Variants in HIVEP3 observed in about 807,000 individuals in gnomAD.
HIVEP3 encodes the protein transcription factor HIVEP3.
In HIVEP3, 49 loss-of-function variants were observed where a neutral mutation model predicts 152.8. The ratio of observed to expected loss-of-function variants is 0.32; its 90% CI spans 0.26 to 0.41. The LOEUF (loss-of-function observed/expected upper bound fraction) is 0.41, where lower values mean the gene tolerates loss of function less well. Ranked by LOEUF, HIVEP3 falls within the 10% of genes least tolerant of loss-of-function variation. The probability of loss-of-function intolerance (pLI) is 1.00; values close to 1 mark genes in which losing one functional copy is unlikely to be tolerated. For synonymous variants in HIVEP3, 1,269 were observed against 1,289.0 expected (o/e 0.98, Z 0.33); for missense variants, 2,790 against 3,103.3 (o/e 0.90, Z 2.40).
intron 1 of HIVEP3, among the ~76,000 whole-genome samples, chr1:41,934,724 A>C (rs1274511191): frequency 6.6e-6 from 1 of 152,112 alleles, no homozygotes; most frequent in Non-Finnish European, 1.5e-5. Context: ...TACGGGGAAA[A>C]TCCTATAGGA....
At chr1:41,714,862 T>G (rs913994125) in intron 1 of HIVEP3, among the ~76,000 whole-genome samples, 2 of 152,128 alleles carry the variant, frequency 1.3e-5, no homozygotes, top group East Asian at 3.9e-4. Context: ...GCAACCCAAT[T>G]TTAAGGGTGT....
intron 3 of HIVEP3, among the ~76,000 whole-genome samples, chr1:41,609,951 G>A (rs79295474): frequency 0.015 from 2,346 of 152,300 alleles, 67 homozygotes; most frequent in African/African-American, 0.053. Flanking sequence ...AAAGCAGACC[G>A]CTTTCCACAA....
At chr1:41,961,162 G>C (rs1237105259) in intron 1 of HIVEP3, among the ~76,000 whole-genome samples, 1 of 152,160 alleles carries the variant, frequency 6.6e-6, no homozygotes, top group South Asian at 2.1e-4. Context: ...CAAGCTGTGT[G>C]GAAGCTCAAA....
chr1:41,833,668 C>A (rs1193769931), intron 1 of HIVEP3, among the ~76,000 whole-genome samples: 1 of 152,102 alleles, frequency 6.6e-6, no homozygotes, highest in Non-Finnish European at 1.5e-5. Flanking sequence ...GGCTCCAGAG[C>A]CTCTCCTGAA....
At chr1:41,571,183 C>T (rs961241177) in intron 5 of HIVEP3, among the ~76,000 whole-genome samples, 2 of 152,196 alleles carry the variant, frequency 1.3e-5, no homozygotes, top group Non-Finnish European at 2.9e-5. Flanking sequence ...CAATAACACA[C>T]CACCCAACTG....
At chr1:41,649,284 C>A (rs1645509049) in intron 2 of HIVEP3, among the ~76,000 whole-genome samples, 3 of 152,216 alleles carry the variant, frequency 2.0e-5, no homozygotes, top group Non-Finnish European at 4.4e-5. Context: ...ACACTGGAGG[C>A]ATAAGAATCC....
At chr1:41,833,459 C>A (rs1643024385) in intron 1 of HIVEP3, among the ~76,000 whole-genome samples, 1 of 152,114 alleles carries the variant, frequency 6.6e-6, no homozygotes, top group African/African-American at 2.4e-5. Context: ...TGATACTGTT[C>A]CTATCCTAGA....
chr1:41,905,509 T>C (rs554889583), intron 1 of HIVEP3, among the ~76,000 whole-genome samples: 10 of 152,304 alleles, frequency 6.6e-5, no homozygotes, highest in Admixed American at 5.9e-4. Flanking sequence ...TAGTATTCCC[T>C]ATAGGCCCAG....
chr1:41,683,790 G>A (rs971818105), intron 2 of HIVEP3, among the ~76,000 whole-genome samples: 3 of 152,180 alleles, frequency 2.0e-5, no homozygotes, highest in Non-Finnish European at 4.4e-5. Context: ...TAAGTTAGAA[G>A]AGGCTCAGGA....
chr1:41,834,073 CT>C (rs1426447749), intron 1 of HIVEP3, among the ~76,000 whole-genome samples: 1 of 152,164 alleles, frequency 6.6e-6, no homozygotes, highest in East Asian at 1.9e-4. Context: ...GGTCAAGAGG[CT>C]GGAAAGGGCC....
intron 1 of HIVEP3, among the ~76,000 whole-genome samples, chr1:41,722,832 C>T (rs1041093841): frequency 2.0e-5 from 3 of 151,936 alleles, no homozygotes; most frequent in Non-Finnish European, 4.4e-5. Flanking sequence ...TAAACTGAGA[C>T]TTGAATATTG....
chr1:41,905,349 T>C (rs1159988410), intron 1 of HIVEP3, among the ~76,000 whole-genome samples: 1 of 152,138 alleles, frequency 6.6e-6, no homozygotes, highest in Non-Finnish European at 1.5e-5. Flanking sequence ...AAGGCAGTGC[T>C]TATCATCCAG....
At chr1:41,708,214 T>C (rs775332127) in intron 1 of HIVEP3, among the ~76,000 whole-genome samples, 5 of 152,200 alleles carry the variant, frequency 3.3e-5, no homozygotes, top group Non-Finnish European at 7.4e-5. Flanking sequence ...ACCAGCCCCA[T>C]GCAGTTGAGA....
At position 41,583,162 on chromosome 1, in the gene HIVEP3, C is replaced by A; in HGVS notation, c.1636G>T (p.Ala546Ser). ...TGGGGGGTGCTGATAGTGCAGGCGG[C>A]AGAAGGCATTGAGTGGCTTCTCAGG... is the stretch of plus-strand genomic sequence containing the variant. ...PLLRSHSMPS[A>S]ACTISTPHHP... The change falls in exon 4 of 9, where the codon GCC (alanine) becomes TCC (serine). Residue 546 changes from alanine to serine, a missense_variant. Around this residue, in one of 9 missense-constraint regions of HIVEP3, gnomAD observed 339 missense variants for 327.0 expected, o/e 1.04. Coordinates refer to ENST00000372583, the MANE Select transcript of HIVEP3 (RefSeq NM_024503.5). This position sits in a 1 kb window ranked among gnomAD's most constrained non-coding sequence, Gnocchi z 6.9. The A allele has an allele frequency of 6.2e-7, 1 of 1,611,022 alleles. No individual in the cohort carries two copies.
chr1:41,689,983 C>T (rs1336225458), intron 2 of HIVEP3, among the ~76,000 whole-genome samples: 2 of 152,262 alleles, frequency 1.3e-5, no homozygotes, highest in Non-Finnish European at 2.9e-5. Context: ...CAGCCTTCAA[C>T]AACTACTTTG....
Position 41,918,214 on chromosome 1 carries a change from G to T in HIVEP3, c.-801+199C>A, listed in dbSNP as rs1362008401. Among the ~76,000 whole-genome samples the T allele has an allele frequency of 6.6e-6, 1 of 152,108 alleles. No individual in the cohort carries two copies. The highest frequency in any genetic ancestry group is 1.5e-5 in the Non-Finnish European group (1 of 67,988). ...GAGCAGCGCGCTCAGCCCACCGGGG[G>T]CACTGGCCGCCACGCGCAGCCCACC... On this transcript the variant is annotated intron_variant, in intron 1 of 8. Transcript: ENST00000372583. This position sits in a 1 kb window ranked among gnomAD's most constrained non-coding sequence, Gnocchi z 4.3.
intron 1 of HIVEP3, among the ~76,000 whole-genome samples, chr1:41,791,289 G>T (rs1156602311): frequency 6.6e-6 from 1 of 152,186 alleles, no homozygotes; most frequent in Admixed American, 6.5e-5. Context: ...TTTCTTTGCT[G>T]GGTAAATGCC....
intron 5 of HIVEP3, among the ~76,000 whole-genome samples, chr1:41,526,320 C>A (rs1329808630): frequency 4.8e-5 from 7 of 147,290 alleles, no homozygotes; most frequent in Non-Finnish European, 7.5e-5. Flanking sequence ...CACACGCTCA[C>A]CCTCATACTA....
chr1:42,028,966 A>G (rs1234124815), intron 1 of HIVEP3, among the ~76,000 whole-genome samples: 1 of 152,238 alleles, frequency 6.6e-6, no homozygotes, highest in African/African-American at 2.4e-5. Flanking sequence ...CTGATGGTTC[A>G]AGAGAAGGCA....
Sources: allele counts gnomAD v4.1 joint callset (sites outside exome capture counted in the v4.1 genomes callset), GRCh38; gene constraint gnomAD v4.1.1; regional missense constraint gnomAD v4.1.1; non-coding constraint Gnocchi (gnomAD v3.1); transcripts MANE v1.5; gene names NCBI Gene and HGNC (gene_info 2026-07-23, HGNC 2026-07-21).